CFAP97: variants seen among roughly 807,000 people sequenced by gnomAD.
The protein encoded by CFAP97 is cilia- and flagella-associated protein 97.
CFAP97 carries 36 observed loss-of-function variants against 43.1 expected under a neutral mutation model. The ratio of observed to expected loss-of-function variants is 0.84; its 90% CI spans 0.64 to 1.10. The LOEUF (loss-of-function observed/expected upper bound fraction) is 1.10. CFAP97 is among the 50% of genes least tolerant of loss of function. CFAP97 has a pLI of 0.00. For missense variants in CFAP97, 657 were observed against 620.3 expected, an observed-to-expected ratio of 1.06 and a Z score of -0.63; for synonymous variants, 228 against 225.7, an observed-to-expected ratio of 1.01 and a Z score of -0.09.
intron 1 of CFAP97, among the ~76,000 whole-genome samples, chr4:185,195,816 A>G (rs766918920): frequency 6.6e-6 from 1 of 152,240 alleles, no homozygotes; most frequent in Admixed American, 6.5e-5. Context: ...AATAGGTCTT[A>G]TAACACTGTC....
intron 1 of CFAP97, among the ~76,000 whole-genome samples, chr4:185,196,716 C>G (rs79212443): frequency 6.6e-6 from 1 of 152,126 alleles, no homozygotes; most frequent in Non-Finnish European, 1.5e-5. Context: ...TAGACAGTGT[C>G]AAGTGTCATA....
chr4:185,164,260 A>G, intron 3 of CFAP97, 81 bp from the exon 4 acceptor site: 1 of 1,300,964 alleles, frequency 7.7e-7, no homozygotes. Flanking sequence ...AGAGCCTGAC[A>G]TTCACTTTCT....
intron 1 of CFAP97, among the ~76,000 whole-genome samples, chr4:185,193,385 T>C (rs1235809603): frequency 6.6e-6 from 1 of 152,194 alleles, no homozygotes; most frequent in Non-Finnish European, 1.5e-5. Flanking sequence ...CGGTGGCTCA[T>C]GCTGTAATCC....
At chr4:185,207,868 T>C (rs1021894425), upstream of CFAP97, 2 of 152,224 alleles carry the variant, frequency 1.3e-5, no homozygotes, top group Non-Finnish European at 2.9e-5. Flanking sequence ...GTTACTATTA[T>C]GGTGAGCTAG....
At chr4:185,205,754 A>G (rs1737158998), upstream of CFAP97, among the ~76,000 whole-genome samples, 1 of 152,214 alleles carries the variant, frequency 6.6e-6, no homozygotes, top group South Asian at 2.1e-4. Context: ...GCTTGAACCC[A>G]GGAGGGAAAT....
intron 1 of CFAP97, among the ~76,000 whole-genome samples, chr4:185,203,227 A>T (rs1736982885): frequency 6.6e-6 from 1 of 152,218 alleles, no homozygotes; most frequent in Admixed American, 6.5e-5. Context: ...AAAAAGAGAC[A>T]GGTAAGTTTT....
intron 1 of CFAP97, among the ~76,000 whole-genome samples, chr4:185,194,360 G>A (rs1262279059): frequency 1.3e-4 from 20 of 152,130 alleles, no homozygotes; most frequent in Admixed American, 1.2e-3. Context: ...GTGGCAGTGC[G>A]TGCCTGTAAT....
In CFAP97 at chr4:185,190,199, T is replaced by C. The variant is rs777738621; in HGVS notation, c.998A>G (p.His333Arg). ...SSSVLDSSLD[H>R]RHKQKVLHDT... ...ATGTAAGACTTTCTGTTTATGTCTG[T>C]GGTCTAAACTGGAGTCTAACACTGA... Residue 333 changes from histidine to arginine, a missense_variant, in exon 2 of 5, where the codon CAC becomes CGC. His to Arg is a conservative substitution (Grantham distance 29). Coordinates refer to ENST00000458385, the MANE Select transcript of CFAP97 (RefSeq NM_020827.3). 1.2e-5 allele frequency: 20 copies of C among 1,607,482 alleles called. No homozygotes were observed. Among genetic ancestry groups the C allele is most frequent in the Admixed American group, 1.2e-4 (7 of 58,800 alleles).
chr4:185,179,974 C>G (rs1735717954), intron 2 of CFAP97, among the ~76,000 whole-genome samples: 1 of 152,076 alleles, frequency 6.6e-6, no homozygotes, highest in Admixed American at 6.5e-5. Flanking sequence ...GTATTTGACC[C>G]ATTTACTAAT....
chr4:185,210,004 C>T (rs1450783956), upstream of CFAP97: 1 of 983,852 alleles, frequency 1.0e-6, no homozygotes, highest in African/African-American at 1.8e-5. This position sits in a 1 kb window ranked among gnomAD's most constrained non-coding sequence, Gnocchi z 4.4. Context: ...CTGGTGGAAG[C>T]CCGTGGCGGT....
chr4:185,202,466 T>A (rs1736898151), intron 1 of CFAP97, among the ~76,000 whole-genome samples: 1 of 151,768 alleles, frequency 6.6e-6, no homozygotes, highest in Admixed American at 6.6e-5. Flanking sequence ...GGAGAATCGC[T>A]GGAACCTGGG....
At chr4:185,188,917 G>A (rs929371690) in intron 2 of CFAP97, among the ~76,000 whole-genome samples, 1 of 151,372 alleles carries the variant, frequency 6.6e-6, no homozygotes, top group South Asian at 2.1e-4. Context: ...AAAATCAATA[G>A]GTACAATCAG....
At chr4:185,191,558 G>A (rs1478362315) in intron 1 of CFAP97, among the ~76,000 whole-genome samples, 7 of 152,172 alleles carry the variant, frequency 4.6e-5, no homozygotes, top group Admixed American at 6.5e-5. Context: ...AAGGCCGGGC[G>A]CGGTGGCTCA....
At chr4:185,199,105 G>T (rs990190759) in intron 1 of CFAP97, among the ~76,000 whole-genome samples, 1 of 152,114 alleles carries the variant, frequency 6.6e-6, no homozygotes, top group African/African-American at 2.4e-5. Flanking sequence ...GGGTACAGTG[G>T]CTCCCACCTG....
chr4:185,182,639 G>C (rs767000352), intron 2 of CFAP97: 1 of 152,130 alleles, frequency 6.6e-6, no homozygotes, highest in Non-Finnish European at 1.5e-5. Flanking sequence ...TGATCATGTC[G>C]GTAACACCCA....
In CFAP97 at chr4:185,191,209, A is replaced by G. The variant is rs79369139; in HGVS notation, c.-13T>C. 12,006 of 1,460,020 alleles carry G rather than the reference A, an allele frequency of 8.2e-3. 701 individuals are homozygous for G. In the African/African-American group the frequency reaches 0.15, roughly 18 times the overall value. The allele number at this position is 1,460,020 out of a possible 1,614,324, so 90.4% of individuals were successfully genotyped here. On this transcript the variant is annotated 5_prime_UTR_variant, in exon 2 of 5. Transcript: ENST00000458385. Reference sequence around the variant, plus strand: ...CAAACTGATCCATGATGGCAAAAATATATCTGAAAAAAAAATGTAAACATC... The same window carrying G: ...CAAACTGATCCATGATGGCAAAAATGTATCTGAAAAAAAAATGTAAACATC...
intron 2 of CFAP97, among the ~76,000 whole-genome samples, chr4:185,179,986 T>C (rs937652725): frequency 1.3e-5 from 2 of 152,184 alleles, no homozygotes; most frequent in African/African-American, 4.8e-5. Context: ...TTTACTAATG[T>C]GAAACACCCT....
In CFAP97 at chr4:185,161,677, C is replaced by G. The variant is rs1323912444; in HGVS notation, c.*1121G>C. 1.3e-5 allele frequency: 2 copies of G among 152,172 alleles called. No individual in the cohort carries two copies. Among genetic ancestry groups the G allele is most frequent in the Non-Finnish European group, 2.9e-5 (2 of 68,020 alleles). 9.4% of individuals were successfully genotyped at this position (152,172 alleles called of 1,614,324 possible). Reference sequence around the variant, plus strand: ...ACCAATTCCATCAAGATTACTAGGTCTTTAAATGTGGGACTGGTAAAAATA... The same window carrying G: ...ACCAATTCCATCAAGATTACTAGGTGTTTAAATGTGGGACTGGTAAAAATA... On this transcript the variant is annotated 3_prime_UTR_variant, in exon 5 of 5. Transcript: ENST00000458385.
chr4:185,182,972 C>T (rs1032004876), intron 2 of CFAP97, among the ~76,000 whole-genome samples: 13 of 151,670 alleles, frequency 8.6e-5, no homozygotes, highest in African/African-American at 2.2e-4. Flanking sequence ...TGGTGGTGCC[C>T]GCCTGTAATC....
Sources: allele counts gnomAD v4.1 joint callset (sites outside exome capture counted in the v4.1 genomes callset), GRCh38; gene constraint gnomAD v4.1.1; non-coding constraint Gnocchi (gnomAD v3.1); transcripts MANE v1.5; gene names NCBI Gene and HGNC (gene_info 2026-07-23, HGNC 2026-07-21).